The following SUN1 variants were observed in gnomAD, a reference collection of about 807,000 sequenced individuals.
SUN1 encodes the protein SUN domain-containing protein 1.
SUN1 carries 61 observed loss-of-function variants against 103.2 expected under a neutral mutation model. The ratio of observed to expected loss-of-function variants is 0.59; its 90% CI spans 0.48 to 0.73. The LOEUF (loss-of-function observed/expected upper bound fraction) is 0.73, where lower values mean the gene tolerates loss of function less well. Among genes scored for constraint, SUN1 ranks in the 30% least tolerant of loss-of-function variants. The pLI, the probability that SUN1 is intolerant of heterozygous loss-of-function variation, is 0.00. For missense variants in SUN1, 1,052 were observed against 1,034.6 expected (o/e 1.02, Z -0.23); for synonymous variants, 490 against 425.7 (o/e 1.15, Z -1.86).
At chr7:820,236 T>A (rs1315804184) in intron 1 of SUN1, among the ~76,000 whole-genome samples, 1 of 152,220 alleles carries the variant, frequency 6.6e-6, no homozygotes, top group African/African-American at 2.4e-5. Context: ...TTATGTAGGT[T>A]GTCTTTAATT....
In SUN1 at chr7:849,197, C is replaced by T. The variant is rs138148129; in HGVS notation, c.659-2187C>T. Among the ~76,000 whole-genome samples, 748 of 152,346 alleles carry T rather than the reference C, an allele frequency of 4.9e-3. 8 individuals carry two copies. Among genetic ancestry groups the T allele is most frequent in the African/African-American group, 0.017 (718 of 41,578 alleles). On this transcript the variant is annotated intron_variant, in intron 5 of 18. Coordinates refer to ENST00000401592, the MANE Select transcript of SUN1 (RefSeq NM_001130965.3). ...GGTCTCCAACTCCTGACCTCGTGAT[C>T]GCCCGCCTCAGCCTCCCAAGTGCTG...
chr7:817,248 C>T (rs1353129532), intron 1 of SUN1: 1 of 660,458 alleles, frequency 1.5e-6, no homozygotes, highest in South Asian at 1.8e-5. Flanking sequence ...GCGTGAGCCA[C>T]CGCGCCCGGC....
chr7:843,588 G>C, intron 5 of SUN1, 68 bp downstream of exon 5: 1 of 1,613,022 alleles, frequency 6.2e-7, no homozygotes, highest in Non-Finnish European at 8.5e-7. Context: ...CTTTCTGTAA[G>C]TCTCAGTGTC....
upstream of SUN1, among the ~76,000 whole-genome samples, chr7:830,358 C>A (rs1348053594): frequency 6.6e-6 from 1 of 152,192 alleles, no homozygotes; most frequent in Non-Finnish European, 1.5e-5. Context: ...CAGGACATTT[C>A]CCTAGATCCT....
At position 874,729 on chromosome 7, in the gene SUN1, T is replaced by C. The variant is rs1382332027; in HGVS notation, c.*1398T>C. 6.6e-6 allele frequency: 1 copy of C among 152,186 alleles called. No individual in the cohort carries two copies. The highest frequency in any genetic ancestry group is 1.5e-5 in the Non-Finnish European group (1 of 68,028). The allele number at this position is 152,186 out of a possible 1,614,324, so 9.4% of individuals were successfully genotyped here. On this transcript the variant is annotated 3_prime_UTR_variant, in exon 19 of 19. Coordinates refer to ENST00000401592, the MANE Select transcript of SUN1 (RefSeq NM_001130965.3). ...TATAAAACTGATTTGGGATTTGGGGTGGAAATATTTTGAATATTAATTTAT... is the reference window on the plus strand; with the variant it reads ...TATAAAACTGATTTGGGATTTGGGGCGGAAATATTTTGAATATTAATTTAT...
At chr7:870,879 TTTTC>T (rs1841079287) in intron 17 of SUN1, among the ~76,000 whole-genome samples, 1 of 133,588 alleles carries the variant, frequency 7.5e-6, no homozygotes, top group East Asian at 2.1e-4. Flanking sequence ...TTTCTTTTTA[TTTTC>T]TTTCTTTTTT....
chr7:831,945 T>A, upstream of SUN1: 1 of 699,202 alleles, frequency 1.4e-6, no homozygotes, highest in Non-Finnish European at 1.8e-6. Flanking sequence ...CTTTCTAACC[T>A]AAAAAATATC....
chr7:870,129 T>A (rs1480382019), intron 17 of SUN1, among the ~76,000 whole-genome samples: 1 of 148,350 alleles, frequency 6.7e-6, no homozygotes, highest in Non-Finnish European at 1.5e-5. Flanking sequence ...TCACTTGATA[T>A]AGGAGGTGGA....
At position 852,795 on chromosome 7, in the gene SUN1, GCTCTT is replaced by G; in HGVS notation, c.911-9_911-5del. 1 of 1,610,796 alleles carries G rather than the reference GCTCTT, an allele frequency of 6.2e-7. No homozygotes were observed. Among genetic ancestry groups the G allele is most frequent in the South Asian group, 1.1e-5 (1 of 90,734 alleles). The stretch of plus-strand genomic sequence containing the variant: ...GTGGTGTACCTGTGTGTGTGTGGTG[GCTCTT>G]CTCTTTTAGCAGGTCTCTCCTTACG... On this transcript the variant is annotated splice_polypyrimidine_tract_variant and intron_variant, in intron 8 of 18. Coordinates refer to ENST00000401592, the MANE Select transcript of SUN1 (RefSeq NM_001130965.3).
At position 861,386 on chromosome 7, in the gene SUN1, C is replaced by T. The variant is rs752939049; in HGVS notation, c.1786C>T (p.Arg596Cys). The stretch of plus-strand genomic sequence containing the variant: ...GTCCCTCGTGTCTGTCCAGCAAGCA[C>T]GTGCCATCGTGAACAGCGCCTTGAA... ...GASGITEAQA[R>C]AIVNSALKLY... is the part of the protein sequence containing the mutation. The change falls in exon 15 of 19, where the codon CGT becomes TGT. Residue 596 changes from arginine (R) to cysteine (C), a missense_variant. By Grantham distance (180) the Arg-to-Cys change is radical. Around this residue, in one of 2 missense-constraint regions of SUN1, gnomAD observed 206 missense variants for 260.1 expected, o/e 0.79. Coordinates refer to ENST00000401592, the MANE Select transcript of SUN1 (RefSeq NM_001130965.3). 6 of 1,614,060 alleles carry T rather than the reference C, an allele frequency of 3.7e-6. No individual in the cohort carries two copies. The highest frequency in any genetic ancestry group is 2.2e-5 in the South Asian group (2 of 91,092).
Position 857,922 on chromosome 7 carries a change from A to G in SUN1, c.1489A>G (p.Thr497Ala). 6.3e-7 allele frequency: 1 copy of G among 1,599,254 alleles called. No individual in the cohort carries two copies. Among genetic ancestry groups the G allele is most frequent in the South Asian group, 1.1e-5 (1 of 90,406 alleles). The change falls in exon 13 of 19, where the codon ACC becomes GCC. Residue 497 changes from threonine to alanine, a missense_variant. Thr to Ala is a moderately conservative substitution (Grantham distance 58). Coordinates refer to ENST00000401592, the MANE Select transcript of SUN1 (RefSeq NM_001130965.3). ...GCTGTCCAGCTGGCGACACGTGAAG[A>G]CCGGCTGTGAGACAGTGGATGCCGT... ...SELSSWRHVK[T>A]GCETVDAVQE...
intron 1 of SUN1, among the ~76,000 whole-genome samples, chr7:826,291 C>CGTTTGGTCTGGGGTG (rs1554260464): frequency 6.6e-6 from 1 of 151,260 alleles, no homozygotes; most frequent in Admixed American, 6.6e-5. Flanking sequence ...GGCTAGCTGC[C>CGTTTGGTCTGGGGTG]GTTTGACAAC....
At chr7:840,382 G>A (rs1808162581) in intron 2 of SUN1, among the ~76,000 whole-genome samples, 2 of 152,230 alleles carry the variant, frequency 1.3e-5, no homozygotes, top group Non-Finnish European at 2.9e-5. Flanking sequence ...CAGTGGCGTG[G>A]AGAGCAAGTG....
At position 853,625 on chromosome 7, in the gene SUN1, G is replaced by T. The variant is rs758135165; in HGVS notation, c.1263+7G>T. On this transcript the variant is annotated splice_region_variant and intron_variant, in intron 10 of 18. Coordinates refer to ENST00000401592, the MANE Select transcript of SUN1 (RefSeq NM_001130965.3). The stretch of plus-strand genomic sequence containing the variant: ...GGGACAGCCCCCGAGGGAGGTGGGT[G>T]CTGCCGGGCTACCAGGCTCCATGGT... The T allele has an allele frequency of 1.4e-5, 22 of 1,598,838 alleles. No individual in the cohort carries two copies. The highest frequency in any genetic ancestry group is 1.3e-5 in the African/African-American group (1 of 74,876).
intron 5 of SUN1, 97 bp from the exon 6 acceptor site, chr7:851,287 T>G: frequency 9.7e-7 from 1 of 1,027,980 alleles, no homozygotes; most frequent in Non-Finnish European, 1.4e-6. Context: ...GATGCAGGCT[T>G]TGGTGAAGTG....
intron 1 of SUN1, 53 bp downstream of exon 1, chr7:832,654 C>A: frequency 6.8e-7 from 1 of 1,470,662 alleles, no homozygotes; most frequent in South Asian, 1.2e-5. Flanking sequence ...CACTCGCTGT[C>A]GCGGTGGCGT....
At chr7:832,376 G>A (rs549719795), upstream of SUN1, 105 of 769,808 alleles carry the variant, frequency 1.4e-4, no homozygotes, top group East Asian at 1.6e-3. Flanking sequence ...GCTGCTGGCC[G>A]TGTTTCCTGT....
rs142785487 is a variant in SUN1, at chr7:832,797, A to G, written c.77+196A>G. ...GCTTTAAGGTAAACTGAATCTGTTC[A>G]TCCTGGTGACTGGGTGGTTAGTCAT... On this transcript the variant is annotated intron_variant, in intron 1 of 18. Transcript: ENST00000401592. 1.3e-3 allele frequency among the ~76,000 whole-genome samples: 200 copies of G among 152,218 alleles called. 1 individual carries two copies. The highest frequency in any genetic ancestry group is 3.4e-3 in the Middle Eastern group (1 of 294).
chr7:858,089 C>A, intron 13 of SUN1, 132 bp downstream of exon 13: 1 of 1,164,736 alleles, frequency 8.6e-7, no homozygotes, highest in Non-Finnish European at 1.1e-6. Flanking sequence ...CTTGCTGTGG[C>A]ACGCAGGCTA....
Sources: allele counts gnomAD v4.1 joint callset (sites outside exome capture counted in the v4.1 genomes callset), GRCh38; gene constraint gnomAD v4.1.1; regional missense constraint gnomAD v4.1.1; transcripts MANE v1.5; gene names NCBI Gene and HGNC (gene_info 2026-07-23, HGNC 2026-07-21).